Variants in GOLGB1 observed in about 807,000 individuals in gnomAD.
The protein encoded by GOLGB1 is golgin subfamily B member 1.
In GOLGB1, 174 loss-of-function variants were observed where a neutral mutation model predicts 336.9. That is an observed-to-expected ratio of 0.52 (90% confidence interval 0.46 to 0.59). GOLGB1 has a LOEUF of 0.59. Ranked by LOEUF, GOLGB1 falls within the 20% of genes least tolerant of loss-of-function variation. GOLGB1 has a pLI of 0.00. For synonymous variants in GOLGB1, 1,208 were observed against 1,289.2 expected, an observed-to-expected ratio of 0.94 and a Z score of 1.35; for missense variants, 3,331 against 3,645.3, an observed-to-expected ratio of 0.91 and a Z score of 2.22.
intron 20 of GOLGB1, 98 bp from the exon 21 acceptor site, chr3:121,665,129 G>A: frequency 1.4e-6 from 1 of 696,502 alleles, no homozygotes; most frequent in South Asian, 1.7e-5. Flanking sequence ...ATGCAGCACA[G>A]GAGGAGACTT....
At chr3:121,669,079 ACT>A (rs1939119871) in intron 18 of GOLGB1, 131 bp downstream of exon 18, 1 of 837,068 alleles carries the variant, frequency 1.2e-6, no homozygotes, top group Admixed American at 2.5e-5. Flanking sequence ...ATCTCAATTA[ACT>A]CTTTCTTCTC....
chr3:121,681,472 G>T (rs1941065792), intron 15 of GOLGB1, among the ~76,000 whole-genome samples: 1 of 152,178 alleles, frequency 6.6e-6, no homozygotes, highest in South Asian at 2.1e-4. Context: ...ATCAGTGCAT[G>T]TAAAACTGGT....
chr3:121,681,761 T>TG lies in GOLGB1; in HGVS notation c.8798dup (p.Ala2935SerfsTer19). Reference sequence around the variant, plus strand: ...CTTCTTGCATAATCTGAAATGCTTTTGTCTTATCTTGATACTCCTGAAGTT... The same window carrying TG: ...CTTCTTGCATAATCTGAAATGCTTTTGGTCTTATCTTGATACTCCTGAAGTT... On this transcript the variant is annotated frameshift_variant, in exon 15 of 22. Coordinates refer to ENST00000614479, the MANE Select transcript of GOLGB1 (RefSeq NM_001366282.2). LOFTEE classifies it high-confidence loss of function. The TG allele has an allele frequency of 6.2e-7, 1 of 1,611,950 alleles. No homozygotes were observed. Among genetic ancestry groups the TG allele is most frequent in the Non-Finnish European group, 8.5e-7 (1 of 1,178,082 alleles).
chr3:121,727,847 A>T (rs1945793080), intron 4 of GOLGB1, among the ~76,000 whole-genome samples: 2 of 152,124 alleles, frequency 1.3e-5, no homozygotes, highest in Admixed American at 1.3e-4. Context: ...CTTCAACTAT[A>T]CTTTCCACAG....
intron 16 of GOLGB1, 104 bp from the exon 17 acceptor site, chr3:121,677,134 T>G: frequency 7.1e-7 from 1 of 1,410,516 alleles, no homozygotes; most frequent in Non-Finnish European, 9.9e-7. Flanking sequence ...TAAGGTGGCT[T>G]ATGGGCACTT....
chr3:121,677,556 T>C, intron 15 of GOLGB1, 106 bp from the exon 16 acceptor site: 1 of 729,232 alleles, frequency 1.4e-6, no homozygotes, highest in Non-Finnish European at 2.3e-6. Flanking sequence ...GTTACTCAAA[T>C]CTGGAAGGTA....
chr3:121,742,249 G>T (rs954015628), intron 1 of GOLGB1, among the ~76,000 whole-genome samples: 1 of 152,126 alleles, frequency 6.6e-6, no homozygotes, highest in Non-Finnish European at 1.5e-5. Flanking sequence ...AAACAGCATG[G>T]TACTGGTACC....
rs1576454266 is a variant in GOLGB1, at chr3:121,729,870, G to A, written c.244C>T (p.Leu82=). 6.2e-7 allele frequency: 1 copy of A among 1,609,370 alleles called. No homozygotes were observed. The highest frequency in any genetic ancestry group is 8.5e-7 in the Non-Finnish European group (1 of 1,176,286). Reference sequence around the variant, plus strand: ...AAGGATAAAAACAATAGTACCTGTAGAGCTTCATCTTTCTGCTGCAGTTGA... The same window carrying A: ...AAGGATAAAAACAATAGTACCTGTAAAGCTTCATCTTTCTGCTGCAGTTGA... ...DVQLQQKDEA[L]QEERKAADNK... is the part of the protein sequence containing the mutation. Residue 82 remains leucine (L), a synonymous_variant, in exon 3 of 22, where the codon CTA becomes TTA. Transcript: ENST00000614479.
chr3:121,717,680 T>C (rs1944883201), intron 8 of GOLGB1, among the ~76,000 whole-genome samples: 1 of 152,060 alleles, frequency 6.6e-6, no homozygotes, highest in Admixed American at 6.6e-5. Flanking sequence ...AGAAGGTCAA[T>C]TTACAAAAAC....
intron 1 of GOLGB1, among the ~76,000 whole-genome samples, chr3:121,746,048 T>G (rs548897188): frequency 6.6e-5 from 10 of 152,218 alleles, no homozygotes; most frequent in Non-Finnish European, 1.5e-4. Flanking sequence ...AGTGAGTGCA[T>G]GCCTGTGTAT....
At chr3:121,671,923 A>G (rs1463739414) in intron 17 of GOLGB1, among the ~76,000 whole-genome samples, 1 of 151,256 alleles carries the variant, frequency 6.6e-6, no homozygotes, top group Non-Finnish European at 1.5e-5. Context: ...GGCTTATTTC[A>G]CTTAACATAA....
At chr3:121,677,133 T>A in intron 16 of GOLGB1, 103 bp from the exon 17 acceptor site, 1 of 1,406,726 alleles carries the variant, frequency 7.1e-7, no homozygotes, top group Non-Finnish European at 9.9e-7. Flanking sequence ...ATAAGGTGGC[T>A]TATGGGCACT....
intron 1 of GOLGB1, chr3:121,748,675 G>C (rs905639577): frequency 3.9e-6 from 1 of 256,780 alleles, no homozygotes; most frequent in Non-Finnish European, 6.1e-6. Flanking sequence ...AAAGGCCTCT[G>C]GCCCTTATGT....
At chr3:121,678,442 C>T (rs1266110578) in intron 15 of GOLGB1, among the ~76,000 whole-genome samples, 1 of 152,208 alleles carries the variant, frequency 6.6e-6, no homozygotes, top group Non-Finnish European at 1.5e-5. Flanking sequence ...GAGATTCCAA[C>T]TCATATTTTC....
In GOLGB1 at chr3:121,677,038, G is replaced by C; in HGVS notation, c.9040-8C>G. On this transcript the variant is annotated splice_polypyrimidine_tract_variant and splice_region_variant and intron_variant, in intron 16 of 21. Transcript: ENST00000614479. ...TGATGTCTCTGGGGATGCCTGCCAG[G>C]ACACAAACATTGATCAGATTCTCTC... is the stretch of plus-strand genomic sequence containing the variant. 6.2e-7 allele frequency: 1 copy of C among 1,613,764 alleles called. No individual in the cohort carries two copies. The highest frequency in any genetic ancestry group is 8.5e-7 in the Non-Finnish European group (1 of 1,179,788).
At chr3:121,716,685 CA>C in intron 9 of GOLGB1, 51 bp downstream of exon 9, 1 of 1,391,892 alleles carries the variant, frequency 7.2e-7, no homozygotes. Context: ...ATATGAAATA[CA>C]AGCCACTCAG....
intron 10 of GOLGB1, 56 bp downstream of exon 10, chr3:121,714,805 T>C (rs1944627561): frequency 9.2e-7 from 1 of 1,090,406 alleles, no homozygotes. Flanking sequence ...AGCACCGAAG[T>C]ACAGATACAG....
At chr3:121,748,907 A>C in intron 1 of GOLGB1, 1 of 985,006 alleles carries the variant, frequency 1.0e-6, no homozygotes, top group Non-Finnish European at 1.2e-6. Flanking sequence ...CCTCCCTTTC[A>C]CATTCCGGTT....
At position 121,677,330 on chromosome 3, in the gene GOLGB1, A is replaced by C. The variant is rs1436966873; in HGVS notation, c.8994T>G (p.Ser2998=). 2 of 1,611,146 alleles carry C rather than the reference A, an allele frequency of 1.2e-6. No individual in the cohort carries two copies. The highest frequency in any genetic ancestry group is 2.2e-5 in the South Asian group (2 of 91,012). The change falls in exon 16 of 22, where the codon TCT becomes TCG. Residue 2998 remains serine, a synonymous_variant. Coordinates refer to ENST00000614479, the MANE Select transcript of GOLGB1 (RefSeq NM_001366282.2). The stretch of plus-strand genomic sequence containing the variant: ...TGAGAGGCTGAGTCTGGGAGGAAGA[A>C]GACCTCAATTCCCTTATAAGATTCT... ...HLQNLIRELR[S]SSSQTQPLKV...
Sources: gnomAD v4.1 joint callset for allele counts (sites outside exome capture counted in the v4.1 genomes callset) on GRCh38, gnomAD v4.1.1 for gene constraint, MANE v1.5 for transcripts, NCBI Gene and HGNC (gene_info 2026-07-23, HGNC 2026-07-21) for gene names.